EDC3: variants seen among roughly 807,000 people sequenced by gnomAD.
The protein encoded by EDC3 is enhancer of mRNA decapping 3, also known as enhancer of mRNA-decapping protein 3.
In EDC3, 20 loss-of-function variants were observed where a neutral mutation model predicts 41.8. The ratio of observed to expected loss-of-function variants is 0.48; its 90% CI spans 0.34 to 0.70. The LOEUF (loss-of-function observed/expected upper bound fraction) is 0.70, where lower values mean the gene tolerates loss of function less well. EDC3 is among the 30% of genes least tolerant of loss of function. The pLI is 0.01. For synonymous variants in EDC3, 206 were observed against 243.2 expected, an observed-to-expected ratio of 0.85 and a Z score of 1.42; for missense variants, 444 against 636.8, an observed-to-expected ratio of 0.70 and a Z score of 3.26.
chr15:74,635,344 T>A (rs185977482), intron 6 of EDC3, 65 bp downstream of exon 6: 1 of 1,508,762 alleles, frequency 6.6e-7, no homozygotes, highest in Non-Finnish European at 9.2e-7. Flanking sequence ...CTGGGTGGCA[T>A]GACGAGACCA....
intron 4 of EDC3, among the ~76,000 whole-genome samples, chr15:74,645,571 G>T (rs566646300): frequency 6.9e-6 from 1 of 145,720 alleles, no homozygotes; most frequent in Non-Finnish European, 1.5e-5. Context: ...AGTTGGGGGG[G>T]GGGGGGTGCC....
intron 1 of EDC3, among the ~76,000 whole-genome samples, chr15:74,690,845 A>C (rs542969664): frequency 4.6e-5 from 7 of 152,018 alleles, no homozygotes; most frequent in African/African-American, 1.7e-4. Flanking sequence ...TACTAAACCC[A>C]TATCTTCCAT....
At chr15:74,638,271 G>A (rs2062299896) in intron 5 of EDC3, 1 of 148,854 alleles carries the variant, frequency 6.7e-6, no homozygotes, top group Non-Finnish European at 1.5e-5. Context: ...CCATCTACAA[G>A]CTGACAACTC....
Position 74,635,513 on chromosome 15 carries a change from T to C in EDC3, c.1088A>G (p.Gln363Arg). 1 of 1,614,290 alleles carries C rather than the reference T, an allele frequency of 6.2e-7. No homozygotes were observed. The highest frequency in any genetic ancestry group is 1.3e-5 in the African/African-American group (1 of 75,084). Residue 363 changes from glutamine (Q) to arginine (R), a missense_variant, in exon 6 of 7, where the codon CAG becomes CGG. Gln to Arg is a conservative substitution (Grantham distance 43). Transcript: ENST00000315127. ...AAAATTGGGCAGGAAAAGGATGACC[T>C]GGACATCATGGTTGGCTAGGTGCCT... ...CGRHLANHDV[Q>R]VILFLPNFVK...
intron 3 of EDC3, among the ~76,000 whole-genome samples, chr15:74,660,008 G>A (rs1239081804): frequency 6.6e-6 from 1 of 151,396 alleles, no homozygotes; most frequent in Non-Finnish European, 1.5e-5. Context: ...TCACGCCACT[G>A]CACTCCAGCC....
intron 3 of EDC3, among the ~76,000 whole-genome samples, chr15:74,670,283 C>A (rs564569159): frequency 6.6e-6 from 1 of 151,970 alleles, no homozygotes; most frequent in Non-Finnish European, 1.5e-5. Context: ...ATTTAAGGAG[C>A]ATAACAGATT....
chr15:74,658,590 T>G (rs1419135192), intron 3 of EDC3, among the ~76,000 whole-genome samples: 6 of 121,546 alleles, frequency 4.9e-5, no homozygotes, highest in African/African-American at 2.0e-4. Flanking sequence ...GTGGAAAAAG[T>G]GGTGATGGCA....
In EDC3 at chr15:74,655,855, G is replaced by T. The variant is rs1034873520; in HGVS notation, c.698C>A (p.Ser233Tyr). The change falls in exon 4 of 7, where the codon TCC (serine) becomes TAC (tyrosine). Residue 233 changes from serine (S) to tyrosine (Y), a missense_variant. Coordinates refer to ENST00000315127, the MANE Select transcript of EDC3 (RefSeq NM_025083.5). ...DTYERRSGTR[S>Y]RGIPNERPTR... ...GGGCCTTTCATTTGGGATGCCCCGG[G>T]AACGGGTACCACTTCTCCTTTCATA... The T allele has an allele frequency of 5.6e-6, 9 of 1,614,002 alleles. No homozygotes were observed. In the African/African-American group the frequency reaches 1.2e-4, roughly 22 times the overall value.
At chr15:74,682,005 T>C (rs2062875369) in intron 1 of EDC3, among the ~76,000 whole-genome samples, 1 of 152,162 alleles carries the variant, frequency 6.6e-6, no homozygotes, top group Admixed American at 6.5e-5. Context: ...GAGTAGTATC[T>C]AGGAAATATA....
At chr15:74,662,077 T>C (rs2062627359) in intron 3 of EDC3, among the ~76,000 whole-genome samples, 1 of 152,222 alleles carries the variant, frequency 6.6e-6, no homozygotes, top group African/African-American at 2.4e-5. Context: ...GATCATACCA[T>C]ATTGATATAC....
At chr15:74,685,715 G>A (rs772499838) in intron 1 of EDC3, among the ~76,000 whole-genome samples, 3 of 152,052 alleles carry the variant, frequency 2.0e-5, no homozygotes, top group Admixed American at 6.6e-5. Context: ...CCACTCACAC[G>A]AGGAAGTCAG....
chr15:74,650,388 A>G (rs1596309143), intron 4 of EDC3, among the ~76,000 whole-genome samples: 1 of 151,916 alleles, frequency 6.6e-6, no homozygotes, highest in South Asian at 2.1e-4. Context: ...CATACTATTC[A>G]CCTGCACCTG....
chr15:74,641,473 G>A (rs2062350980), intron 4 of EDC3: 3 of 152,660 alleles, frequency 2.0e-5, no homozygotes, highest in Admixed American at 2.0e-4. Context: ...AACATACCAG[G>A]AAAGAAACAG....
At chr15:74,687,885 C>T (rs771574940) in intron 1 of EDC3, among the ~76,000 whole-genome samples, 10 of 152,100 alleles carry the variant, frequency 6.6e-5, no homozygotes, top group Admixed American at 6.5e-4. Flanking sequence ...AGAAATTAAC[C>T]AGATATGAAA....
intron 3 of EDC3, among the ~76,000 whole-genome samples, chr15:74,661,891 C>A (rs1207284416): frequency 6.6e-6 from 1 of 151,688 alleles, no homozygotes; most frequent in Non-Finnish European, 1.5e-5. Flanking sequence ...GATGTTCATA[C>A]CAAATATGCA....
At chr15:74,660,414 A>T (rs990301819) in intron 3 of EDC3, among the ~76,000 whole-genome samples, 3 of 144,956 alleles carry the variant, frequency 2.1e-5, no homozygotes, top group Middle Eastern at 3.7e-3. Flanking sequence ...CGTCTCCAAA[A>T]ATATATATAT....
chr15:74,654,747 T>C (rs777669219), intron 4 of EDC3, among the ~76,000 whole-genome samples: 9 of 151,684 alleles, frequency 5.9e-5, no homozygotes, highest in Non-Finnish European at 1.2e-4. Context: ...CAAGCTACTA[T>C]ACTCAGCGAA....
At chr15:74,659,293 T>A (rs894193687) in intron 3 of EDC3, among the ~76,000 whole-genome samples, 3 of 151,172 alleles carry the variant, frequency 2.0e-5, no homozygotes, top group African/African-American at 7.3e-5. Context: ...TGAAATGCCA[T>A]CTCTACTAAA....
rs568697011 is a variant in EDC3, at chr15:74,694,943, G to A, written c.-19+937C>T. ...TAAGAGGATTTTGTGCTCAGTACAC[G>A]TAATCTGCCATTCATTAAAAAAAAA... On this transcript the variant is annotated intron_variant, in intron 1 of 6. Transcript: ENST00000315127. 7.3e-5 allele frequency among the ~76,000 whole-genome samples: 11 copies of A among 150,596 alleles called. No homozygotes were observed. In the East Asian group the frequency reaches 2.1e-3, roughly 29 times the overall value.
Sources: gnomAD v4.1 joint callset for allele counts (sites outside exome capture counted in the v4.1 genomes callset) on GRCh38, gnomAD v4.1.1 for gene constraint, MANE v1.5 for transcripts, NCBI Gene and HGNC (gene_info 2026-07-23, HGNC 2026-07-21) for gene names.